The following KIAA1217 variants were observed in gnomAD, a reference collection of about 807,000 sequenced individuals.
KIAA1217 encodes sickle tail protein homolog.
KIAA1217 carries 88 observed loss-of-function variants against 163.9 expected under a neutral mutation model. The ratio of observed to expected loss-of-function variants is 0.54; its 90% CI spans 0.45 to 0.64. The LOEUF (loss-of-function observed/expected upper bound fraction) is 0.64. Ranked by LOEUF, KIAA1217 falls within the 30% of genes least tolerant of loss-of-function variation. The pLI is 0.00. For missense variants in KIAA1217, 2,372 were observed against 2,475.0 expected, an observed-to-expected ratio of 0.96 and a Z score of 0.88; for synonymous variants, 903 against 923.1, an observed-to-expected ratio of 0.98 and a Z score of 0.39.
At chr10:24,434,321 G>A (rs1299811682) in intron 4 of KIAA1217, among the ~76,000 whole-genome samples, 1 of 152,064 alleles carries the variant, frequency 6.6e-6, no homozygotes, top group Non-Finnish European at 1.5e-5. Context: ...TTACAGGTGT[G>A]AGCCACCATG....
chr10:24,538,269 C>A (rs981635569), intron 17 of KIAA1217, among the ~76,000 whole-genome samples: 1 of 152,130 alleles, frequency 6.6e-6, no homozygotes, highest in African/African-American at 2.4e-5. Flanking sequence ...GGCTCATAAC[C>A]ACCACGGCAC....
intron 3 of KIAA1217, among the ~76,000 whole-genome samples, chr10:24,393,255 C>T (rs960393239): frequency 3.9e-5 from 6 of 152,114 alleles, no homozygotes; most frequent in East Asian, 1.9e-4. Flanking sequence ...GGAAGGTACA[C>T]GTTCTGCATT....
intron 2 of KIAA1217, among the ~76,000 whole-genome samples, chr10:24,342,289 CTG>C (rs1458438839): frequency 1.3e-5 from 2 of 152,184 alleles, no homozygotes; most frequent in Non-Finnish European, 1.5e-5. Flanking sequence ...TAGTAGAAGA[CTG>C]TGACAACAGA....
chr10:24,332,756 C>G (rs1385187535), intron 2 of KIAA1217, among the ~76,000 whole-genome samples: 1 of 151,910 alleles, frequency 6.6e-6, no homozygotes, highest in Non-Finnish European at 1.5e-5. Context: ...ATTAAATGGT[C>G]ATAGTGGACT....
At chr10:23,734,888 A>G (rs1838705141) in intron 1 of KIAA1217, among the ~76,000 whole-genome samples, 1 of 152,074 alleles carries the variant, frequency 6.6e-6, no homozygotes, top group South Asian at 2.1e-4. Flanking sequence ...TTTGTTGTAC[A>G]GATTATTTCA....
At chr10:24,534,086 G>T (rs181093458) in intron 16 of KIAA1217, among the ~76,000 whole-genome samples, 2 of 152,164 alleles carry the variant, frequency 1.3e-5, no homozygotes, top group Non-Finnish European at 2.9e-5. Context: ...GCTTTTTACC[G>T]ACGTACCAAT....
At chr10:24,474,123 T>G in intron 6 of KIAA1217, 63 bp downstream of exon 6, 58 of 1,217,066 alleles carry the variant, frequency 4.8e-5, no homozygotes, top group Non-Finnish European at 6.5e-5. Flanking sequence ...TGGGCAGCTC[T>G]ACAGGGGTCA....
At chr10:23,955,265 G>A (rs1164426369) in intron 1 of KIAA1217, among the ~76,000 whole-genome samples, 2 of 152,164 alleles carry the variant, frequency 1.3e-5, no homozygotes, top group Admixed American at 6.5e-5. Flanking sequence ...AAGAATAATA[G>A]TATCCAGAAC....
intron 1 of KIAA1217, among the ~76,000 whole-genome samples, chr10:23,836,934 G>A (rs1009096996): frequency 1.1e-5 from 1 of 87,484 alleles, no homozygotes; most frequent in Non-Finnish European, 2.2e-5. Flanking sequence ...AGGAAGGAAG[G>A]GAGGGAGGGA....
chr10:24,515,283 G>T (rs973300194), intron 10 of KIAA1217, among the ~76,000 whole-genome samples: 2 of 152,026 alleles, frequency 1.3e-5, no homozygotes, highest in African/African-American at 2.4e-5. Flanking sequence ...GGTCAGGCTG[G>T]TCTCAAACTC....
intron 1 of KIAA1217, among the ~76,000 whole-genome samples, chr10:23,714,983 T>G (rs755650142): frequency 6.6e-5 from 10 of 152,204 alleles, no homozygotes; most frequent in African/African-American, 2.4e-4. Flanking sequence ...AAGAACGCTA[T>G]GTGCATCATA....
intron 2 of KIAA1217, among the ~76,000 whole-genome samples, chr10:24,352,644 C>A (rs927229951): frequency 1.3e-5 from 2 of 152,094 alleles, no homozygotes; most frequent in African/African-American, 4.8e-5. Context: ...TTCCCAGAGG[C>A]AAAGGCACTG....
chr10:24,168,006 G>A (rs939934409), intron 2 of KIAA1217, among the ~76,000 whole-genome samples: 5 of 152,100 alleles, frequency 3.3e-5, no homozygotes, highest in Non-Finnish European at 7.4e-5. Flanking sequence ...CTCTCATGAG[G>A]CCCCACCACC....
intron 2 of KIAA1217, among the ~76,000 whole-genome samples, chr10:24,203,598 T>C (rs1044613162): frequency 8.0e-6 from 1 of 124,658 alleles, no homozygotes; most frequent in Non-Finnish European, 1.6e-5. Flanking sequence ...CTTTGAGAAA[T>C]GGCAGAGGAG....
At position 23,853,624 on chromosome 10, in the gene KIAA1217, C is replaced by T. The variant is rs554977324; in HGVS notation, c.-320-153601C>T. On this transcript the variant is annotated intron_variant, in intron 1 of 18. Coordinates refer to the KIAA1217 transcript ENST00000376462. ...CTCCTTGTACCTCTGGTAGAATTCG[C>T]GTGTGAATCCATCTGGTCCTGGACT... Among the ~76,000 whole-genome samples the T allele has an allele frequency of 6.8e-4, 103 of 152,072 alleles. 1 individual carries two copies. The highest frequency in any genetic ancestry group is 2.2e-3 in the African/African-American group (93 of 41,510).
intron 2 of KIAA1217, among the ~76,000 whole-genome samples, chr10:24,306,067 T>C (rs1364201378): frequency 6.6e-6 from 1 of 152,170 alleles, no homozygotes; most frequent in Non-Finnish European, 1.5e-5. Context: ...AGTCTCTTAT[T>C]AACATTTCCT....
chr10:24,110,466 T>C (rs867941037), intron 2 of KIAA1217, among the ~76,000 whole-genome samples: 1 of 152,186 alleles, frequency 6.6e-6, no homozygotes, highest in Non-Finnish European at 1.5e-5. Context: ...TTGGCATCCC[T>C]TGAGTGGTGA....
intron 3 of KIAA1217, among the ~76,000 whole-genome samples, chr10:24,422,221 G>A (rs1307887342): frequency 6.6e-6 from 1 of 152,172 alleles, no homozygotes; most frequent in Admixed American, 6.5e-5. Context: ...CCTATGATAT[G>A]TGGGAATTAT....
intron 2 of KIAA1217, among the ~76,000 whole-genome samples, chr10:24,019,868 T>C (rs926967537): frequency 6.6e-6 from 1 of 151,878 alleles, no homozygotes; most frequent in African/African-American, 2.4e-5. Context: ...AAAGAAAAAG[T>C]ACAATAATGG....
Sources: gnomAD v4.1 joint callset for allele counts (sites outside exome capture counted in the v4.1 genomes callset) on GRCh38, gnomAD v4.1.1 for gene constraint, MANE v1.5 for transcripts, NCBI Gene and HGNC (gene_info 2026-07-23, HGNC 2026-07-21) for gene names.